The following PRDM16 variants were observed in gnomAD, a reference collection of about 807,000 sequenced individuals.
PRDM16 encodes the protein histone-lysine N-methyltransferase PRDM16.
In PRDM16, 23 loss-of-function variants were observed where a neutral mutation model predicts 110.6. The ratio of observed to expected loss-of-function variants is 0.21; its 90% CI spans 0.15 to 0.29. The LOEUF is 0.29. PRDM16 is among the 10% of genes least tolerant of loss of function. PRDM16 has a pLI of 1.00. For synonymous variants in PRDM16, 799 were observed against 781.8 expected (o/e 1.02, Z -0.37); for missense variants, 1,615 against 1,794.3 (o/e 0.90, Z 1.81).
intron 3 of PRDM16, among the ~76,000 whole-genome samples, chr1:3,364,629 T>C (rs1033761796): frequency 2.0e-5 from 3 of 152,156 alleles, no homozygotes; most frequent in Non-Finnish European, 4.4e-5. Context: ...AAGGGCAAAA[T>C]TAAAGCAGGC....
At chr1:3,184,156 G>A (rs1480834286) in intron 1 of PRDM16, among the ~76,000 whole-genome samples, 1 of 152,164 alleles carries the variant, frequency 6.6e-6, no homozygotes, top group Non-Finnish European at 1.5e-5. Context: ...CAATTAGAAA[G>A]GACCCGTTGG....
rs1371415335 is a variant in PRDM16 at position 3,436,531 on chromosome 1, C to T, written c.*2720C>T. Reference sequence around the variant, plus strand: ...CTTGGCGTTTTCAGGAGGCCCTGTTCTTAGAGCCCCTGACAAAGGCAGCAC... The same window carrying T: ...CTTGGCGTTTTCAGGAGGCCCTGTTTTTAGAGCCCCTGACAAAGGCAGCAC... On this transcript the variant is annotated 3_prime_UTR_variant, in exon 17 of 17. Transcript: ENST00000270722. 1 of 231,050 alleles carries T rather than the reference C, an allele frequency of 4.3e-6. No homozygotes were observed. The highest frequency in any genetic ancestry group is 8.6e-6 in the Non-Finnish European group (1 of 116,730). 14.3% of individuals were successfully genotyped at this position (231,050 alleles called of 1,614,324 possible).
intron 2 of PRDM16, among the ~76,000 whole-genome samples, chr1:3,197,223 G>A (rs1288200735): frequency 2.0e-5 from 3 of 152,098 alleles, no homozygotes; most frequent in Non-Finnish European, 4.4e-5. Flanking sequence ...AGTCATATGC[G>A]ACCATGGGCT....
chr1:3,297,068 T>G (rs1641104407), intron 3 of PRDM16, among the ~76,000 whole-genome samples: 1 of 152,202 alleles, frequency 6.6e-6, no homozygotes, highest in East Asian at 1.9e-4. Flanking sequence ...GCCCTCAGTG[T>G]GCGGTTTCCA....
At chr1:3,275,139 G>A (rs1640554160) in intron 3 of PRDM16, among the ~76,000 whole-genome samples, 1 of 152,208 alleles carries the variant, frequency 6.6e-6, no homozygotes, top group Non-Finnish European at 1.5e-5. Context: ...GCAGGAGGCG[G>A]GCCCAGTGGA....
At chr1:3,401,101 G>T (rs1292118710) in intron 5 of PRDM16, among the ~76,000 whole-genome samples, 1 of 152,162 alleles carries the variant, frequency 6.6e-6, no homozygotes, top group Non-Finnish European at 1.5e-5. Context: ...GGGGTGCTGG[G>T]GTGGCCCAGG....
At chr1:3,417,295 C>T (rs1188006052) in intron 10 of PRDM16, among the ~76,000 whole-genome samples, 2 of 152,232 alleles carry the variant, frequency 1.3e-5, no homozygotes, top group Non-Finnish European at 2.9e-5. Flanking sequence ...GGCATGCTGC[C>T]ACTTGGTGGC....
intron 3 of PRDM16, among the ~76,000 whole-genome samples, chr1:3,321,379 T>C (rs1641740165): frequency 9.0e-6 from 1 of 110,720 alleles, no homozygotes; most frequent in African/African-American, 4.4e-5. Context: ...TGCATTTGTG[T>C]GTGGGTCTCT....
chr1:3,124,441 C>T (rs1467972405), intron 1 of PRDM16, among the ~76,000 whole-genome samples: 1 of 152,210 alleles, frequency 6.6e-6, no homozygotes, highest in Non-Finnish European at 1.5e-5. Context: ...GGCCTCTAAA[C>T]ATGACCCACT....
At chr1:3,374,890 C>A (rs1642966133) in intron 3 of PRDM16, among the ~76,000 whole-genome samples, 1 of 152,226 alleles carries the variant, frequency 6.6e-6, no homozygotes, top group Non-Finnish European at 1.5e-5. Flanking sequence ...GGGGGAGCAG[C>A]AGGCACCCAA....
chr1:3,409,134 AGTGT>A lies in PRDM16; in HGVS notation c.1187-2246_1187-2243del, dbSNP rs1219400717. Among the ~76,000 whole-genome samples, 7 of 116,312 alleles carry A rather than the reference AGTGT, an allele frequency of 6.0e-5. No homozygotes were observed. The East Asian group carries it at 1.3e-3, about 22-fold the overall frequency. 76.3% of individuals were successfully genotyped at this position (116,312 alleles called of 152,430 possible). The stretch of plus-strand genomic sequence containing the variant: ...GTGGGCGTGTGAGTTGATGCATGTG[AGTGT>A]GTGAGTGTGGGTGTGTGTGAGTGAG... On this transcript the variant is annotated intron_variant, in intron 8 of 16. Transcript: ENST00000270722.
At chr1:3,168,832 C>T (rs541997198) in intron 1 of PRDM16, among the ~76,000 whole-genome samples, 1 of 152,292 alleles carries the variant, frequency 6.6e-6, no homozygotes, top group South Asian at 2.1e-4. Context: ...AAGGACCCTG[C>T]CAGGTGGCCA....
In PRDM16 at chr1:3,213,469, G is replaced by A. The variant is rs985839948; in HGVS notation, c.387+26995G>A. ...TTTCCACTTAGGCTTGTCACCAATC[G>A]GGCAGTCACCCCAGCTGTGCGGGTG... On this transcript the variant is annotated intron_variant, in intron 2 of 16. Transcript: ENST00000270722. The surrounding 1 kb of genome is among the most constrained non-coding windows in gnomAD (Gnocchi z 5.3). Among the ~76,000 whole-genome samples the A allele has an allele frequency of 8.5e-5, 13 of 152,144 alleles. No homozygotes were observed. The highest frequency in any genetic ancestry group is 2.7e-4 in the African/African-American group (11 of 41,432).
chr1:3,318,621 ATCTG>A (rs1202309613), intron 3 of PRDM16, among the ~76,000 whole-genome samples: 6 of 152,288 alleles, frequency 3.9e-5, no homozygotes, highest in Admixed American at 1.3e-4. Context: ...TCAATTATCT[ATCTG>A]TCTAATTTAT....
chr1:3,191,174 A>G (rs1023347361), intron 2 of PRDM16, among the ~76,000 whole-genome samples: 1 of 152,272 alleles, frequency 6.6e-6, no homozygotes, highest in African/African-American at 2.4e-5. Flanking sequence ...TGAAGAGGCC[A>G]GGTGAAAAAT....
At chr1:3,090,835 T>C (rs989236107) in intron 1 of PRDM16, among the ~76,000 whole-genome samples, 1 of 152,114 alleles carries the variant, frequency 6.6e-6, no homozygotes, top group Non-Finnish European at 1.5e-5. Flanking sequence ...CAGCTGACAC[T>C]CCTGCAGGGT....
rs1488063989 is a variant in PRDM16, at chr1:3,350,931, C to G, written c.439-34221C>G. Among the ~76,000 whole-genome samples the G allele has an allele frequency of 6.6e-6, 1 of 152,210 alleles. No homozygotes were observed. The highest frequency in any genetic ancestry group is 1.5e-5 in the Non-Finnish European group (1 of 68,046). Reference sequence around the variant, plus strand: ...GGGGACTTGGGGATTCACTTCAGCTCTCGCTTTATTATGGAGCCTGGGAGA... The same window carrying G: ...GGGGACTTGGGGATTCACTTCAGCTGTCGCTTTATTATGGAGCCTGGGAGA... On this transcript the variant is annotated intron_variant, in intron 3 of 16. Transcript: ENST00000270722. This position sits in a 1 kb window ranked among gnomAD's most constrained non-coding sequence, Gnocchi z 7.1.
chr1:3,174,486 C>T (rs1466223730), intron 1 of PRDM16, among the ~76,000 whole-genome samples: 2 of 152,164 alleles, frequency 1.3e-5, no homozygotes, highest in Non-Finnish European at 2.9e-5. Context: ...AGGGCAGGGT[C>T]TGTGCTTGCC....
intron 3 of PRDM16, among the ~76,000 whole-genome samples, chr1:3,337,164 C>T (rs1386347916): frequency 2.0e-5 from 3 of 146,866 alleles, no homozygotes; most frequent in Non-Finnish European, 4.5e-5. Context: ...AATCTGTGTA[C>T]ATCTGTGAGT....
Sources: allele counts gnomAD v4.1 joint callset (sites outside exome capture counted in the v4.1 genomes callset), GRCh38; gene constraint gnomAD v4.1.1; non-coding constraint Gnocchi (gnomAD v3.1); transcripts MANE v1.5; gene names NCBI Gene and HGNC (gene_info 2026-07-23, HGNC 2026-07-21).